DEFB129: variants seen among roughly 807,000 people sequenced by gnomAD.
DEFB129 encodes the protein beta-defensin 129.
Under a neutral mutation model 2.5 loss-of-function variants are expected in DEFB129, and 2 were observed. The observed-to-expected ratio is 0.80, with a 90% CI of 0.33 to 2.53. DEFB129 has a LOEUF of 2.53. Ranked by LOEUF, DEFB129 falls within the 30% of genes most tolerant of loss-of-function variation. The pLI, the probability that DEFB129 is intolerant of heterozygous loss-of-function variation, is 0.11. For synonymous variants in DEFB129, 76 were observed against 74.4 expected, an observed-to-expected ratio of 1.02 and a Z score of -0.11; for missense variants, 177 against 216.9, an observed-to-expected ratio of 0.82 and a Z score of 1.16.
At chr20:229,134 T>C (rs940882929) in intron 1 of DEFB129, 144 bp from the exon 2 acceptor site, 2 of 1,072,606 alleles carry the variant, frequency 1.9e-6, no homozygotes, top group African/African-American at 3.2e-5. Context: ...GCCTGCCCAT[T>C]TGCCTTCATC....
At chr20:227,551 A>G (rs916135736) in intron 1 of DEFB129, among the ~76,000 whole-genome samples, 6 of 152,222 alleles carry the variant, frequency 3.9e-5, no homozygotes, top group African/African-American at 1.4e-4. Flanking sequence ...AACACCCAGG[A>G]AGCTACAGAG....
In DEFB129 at chr20:229,277, G is replaced by A. The variant is rs753215560; in HGVS notation, c.59-1G>A. ...CAATGGCTTTCTCTTTTTTTATACAGAATTTATTGGCTTGAGACGCTGTTT... is the reference window on the plus strand; with the variant it reads ...CAATGGCTTTCTCTTTTTTTATACAAAATTTATTGGCTTGAGACGCTGTTT... On this transcript the variant is annotated splice_acceptor_variant, in intron 1 of 1. Transcript: ENST00000246105. LOFTEE classifies it high-confidence loss of function. The A allele has an allele frequency of 7.0e-5, 110 of 1,565,944 alleles. No homozygotes were observed. Among genetic ancestry groups the A allele is most frequent in the Admixed American group, 4.1e-5 (2 of 48,710 alleles).
chr20:227,377 A>G (rs1208640585), intron 1 of DEFB129, 31 bp downstream of exon 1: 1 of 1,612,328 alleles, frequency 6.2e-7, no homozygotes, highest in Middle Eastern at 1.7e-4. Context: ...TAAGATGGGT[A>G]GATGAGAGGA....
rs757115910 is a variant in DEFB129, at chr20:229,722, A to C, written c.503A>C (p.Asn168Thr). ...CCACCACCAGCACCACCTCCACCAA[A>C]CATACTGCCAACACCATCACTGGAG... ...ASPPPAPPPP[N>T]ILPTPSLELE... is the part of the protein sequence containing the mutation. Residue 168 changes from asparagine (N) to threonine (T), a missense_variant, in exon 2 of 2, where the codon AAC becomes ACC. Asn to Thr is a moderately conservative substitution (Grantham distance 65). Transcript: ENST00000246105. 9.3e-6 allele frequency: 15 copies of C among 1,613,112 alleles called. No individual in the cohort carries two copies. Among genetic ancestry groups the C allele is most frequent in the Non-Finnish European group, 1.3e-5 (15 of 1,179,998 alleles).
chr20:227,459 A>T lies in DEFB129; in HGVS notation c.58+113A>T, dbSNP rs577537747. 5.1e-4 allele frequency: 633 copies of T among 1,252,754 alleles called. 1 individual carries two copies. The highest frequency in any genetic ancestry group is 7.1e-4 in the Non-Finnish European group (611 of 855,604). The allele number at this position is 1,252,754 out of a possible 1,614,324, so 77.6% of individuals were successfully genotyped here. A position where few individuals can be genotyped will look rare whatever the true frequency, so the allele number is the denominator to read the frequency against. ...ACTGAAAGATTAGCTGTTCAAAAAG[A>T]TGGCTAAAGAGCTTACCTATTGTAT... On this transcript the variant is annotated intron_variant, in intron 1 of 1. Transcript: ENST00000246105.
At position 229,267 on chromosome 20, in the gene DEFB129, T is replaced by C. The variant is rs112278246; in HGVS notation, c.59-11T>C. Reference sequence around the variant, plus strand: ...AACCTTGGCTCAATGGCTTTCTCTTTTTTTATACAGAATTTATTGGCTTGA... The same window carrying C: ...AACCTTGGCTCAATGGCTTTCTCTTCTTTTATACAGAATTTATTGGCTTGA... On this transcript the variant is annotated splice_polypyrimidine_tract_variant and intron_variant, in intron 1 of 1. Transcript: ENST00000246105. 5 of 1,557,012 alleles carry C rather than the reference T, an allele frequency of 3.2e-6. No homozygotes were observed. The highest frequency in any genetic ancestry group is 4.3e-6 in the Non-Finnish European group (5 of 1,157,956).
In DEFB129 at chr20:229,331, T is replaced by G. The variant is rs1471978048; in HGVS notation, c.112T>G (p.Cys38Gly). ...LMGLGRCRDH[C>G]NVDEKEIQKC... ...GGGTTTGGGGAGATGCAGGGATCAC[T>G]GCAATGTGGATGAAAAAGAGATACA... Residue 38 changes from cysteine (C) to glycine (G), a missense_variant, in exon 2 of 2, where the codon TGC becomes GGC. Transcript: ENST00000246105. 3 of 1,613,722 alleles carry G rather than the reference T, an allele frequency of 1.9e-6. No homozygotes were observed. The highest frequency in any genetic ancestry group is 2.5e-6 in the Non-Finnish European group (3 of 1,179,868).
In DEFB129 at chr20:229,405, G is replaced by A; in HGVS notation, c.186G>A (p.Leu62=). Residue 62 remains leucine, a synonymous_variant, in exon 2 of 2, where the codon TTG becomes TTA. Coordinates refer to ENST00000246105, the MANE Select transcript of DEFB129 (RefSeq NM_080831.4). ...KCCVGPKVVK[L]IKNYLQYGTP... ...GTGTTGGACCAAAAGTGGTTAAATT[G>A]ATTAAAAACTACCTGCAATATGGAA... The A allele has an allele frequency of 6.2e-7, 1 of 1,614,134 alleles. No individual in the cohort carries two copies. The highest frequency in any genetic ancestry group is 8.5e-7 in the Non-Finnish European group (1 of 1,180,028).
In DEFB129 at chr20:227,327, A is replaced by G; in HGVS notation, c.39A>G (p.Leu13=). The G allele has an allele frequency of 6.2e-7, 1 of 1,614,146 alleles. No homozygotes were observed. The highest frequency in any genetic ancestry group is 2.2e-5 in the East Asian group (1 of 44,868). ...TTCCTATCTTTGCCAGCCTCATGCTACAGTACCAGGTGAACACAGGTAATG... is the reference window on the plus strand; with the variant it reads ...TTCCTATCTTTGCCAGCCTCATGCTGCAGTACCAGGTGAACACAGGTAATG... ...LLFPIFASLM[L]QYQVNTEFIG... Residue 13 remains leucine, a synonymous_variant, in exon 1 of 2, where the codon CTA becomes CTG. Coordinates refer to ENST00000246105, the MANE Select transcript of DEFB129 (RefSeq NM_080831.4).
chr20:229,752 A>T lies in DEFB129; in HGVS notation c.533A>T (p.Glu178Val). ...CTGCCAACACCATCACTGGAGCTAGAGGAAGCAGAAGAGCAGTAATGTGGA... is the reference window on the plus strand; with the variant it reads ...CTGCCAACACCATCACTGGAGCTAGTGGAAGCAGAAGAGCAGTAATGTGGA... ...NILPTPSLEL[E>V]EAEEQ Residue 178 changes from glutamate to valine, a missense_variant, in exon 2 of 2, where the codon GAG becomes GTG. Coordinates refer to ENST00000246105, the MANE Select transcript of DEFB129 (RefSeq NM_080831.4). 2 of 1,610,546 alleles carry T rather than the reference A, an allele frequency of 1.2e-6. No individual in the cohort carries two copies. Among genetic ancestry groups the T allele is most frequent in the Non-Finnish European group, 1.7e-6 (2 of 1,179,790 alleles).
In DEFB129 at chr20:227,314, C is replaced by T. The variant is rs771103028; in HGVS notation, c.26C>T (p.Ala9Val). Residue 9 changes from alanine to valine, a missense_variant, in exon 1 of 2, where the codon GCC (alanine) becomes GTC (valine). By Grantham distance (64) the Ala-to-Val change is moderately conservative. Transcript: ENST00000246105. ...ATGAAGCTCCTTTTTCCTATCTTTG[C>T]CAGCCTCATGCTACAGTACCAGGTG... MKLLFPIF[A>V]SLMLQYQVNT... The T allele has an allele frequency of 1.9e-5, 30 of 1,614,108 alleles. No individual in the cohort carries two copies. Among genetic ancestry groups the T allele is most frequent in the Non-Finnish European group, 2.4e-5 (28 of 1,179,980 alleles).
rs540275613 is a variant in DEFB129 at position 229,737 on chromosome 20, C to T, written c.518C>T (p.Pro173Leu). ...CCTCCACCAAACATACTGCCAACAC[C>T]ATCACTGGAGCTAGAGGAAGCAGAA... Reference protein sequence around the residue: ...APPPPNILPTPSLELEEAEEQ With the variant: ...APPPPNILPTLSLELEEAEEQ Residue 173 changes from proline (P) to leucine (L), a missense_variant, in exon 2 of 2, where the codon CCA becomes CTA. Pro to Leu is a moderately conservative substitution (Grantham distance 98). Transcript: ENST00000246105. 6.2e-7 allele frequency: 1 copy of T among 1,612,590 alleles called. No individual in the cohort carries two copies. Among genetic ancestry groups the T allele is most frequent in the Non-Finnish European group, 8.5e-7 (1 of 1,179,988 alleles).
At position 229,847 on chromosome 20, in the gene DEFB129, TG is replaced by T. The variant is rs1428824151; in HGVS notation, c.*77del. Reference sequence around the variant, plus strand: ...TAAAATGACATAGAACTGTTTCCTCTGTCATCAGTCATTCAATAAACACTGT... The same window carrying T: ...TAAAATGACATAGAACTGTTTCCTCTTCATCAGTCATTCAATAAACACTGT... On this transcript the variant is annotated 3_prime_UTR_variant, in exon 2 of 2. Transcript: ENST00000246105. The T allele has an allele frequency of 6.6e-7, 1 of 1,506,534 alleles. No individual in the cohort carries two copies. Among genetic ancestry groups the T allele is most frequent in the Non-Finnish European group, 8.8e-7 (1 of 1,134,666 alleles). The allele number at this position is 1,506,534 out of a possible 1,614,324, so 93.3% of individuals were successfully genotyped here. A position where few individuals can be genotyped will look rare whatever the true frequency, so the allele number is the denominator to read the frequency against.
chr20:228,061 T>C (rs1451350796), intron 1 of DEFB129, among the ~76,000 whole-genome samples: 2 of 152,212 alleles, frequency 1.3e-5, no homozygotes, highest in Non-Finnish European at 2.9e-5. Flanking sequence ...TCAGACTTTG[T>C]CTTCCTGAAA....
At chr20:227,391 A>G (rs772459699) in intron 1 of DEFB129, 45 bp downstream of exon 1, 1 of 1,607,788 alleles carries the variant, frequency 6.2e-7, no homozygotes, top group Admixed American at 1.7e-5. Flanking sequence ...GAGAGGAACC[A>G]AGGATTTGGC....
At chr20:227,449 G>A in intron 1 of DEFB129, 103 bp downstream of exon 1, 1 of 1,369,510 alleles carries the variant, frequency 7.3e-7, no homozygotes, top group East Asian at 2.3e-5. Flanking sequence ...AAGATTAGCT[G>A]TTCAAAAAGA....
At chr20:227,468 G>A in intron 1 of DEFB129, 122 bp downstream of exon 1, 1 of 1,161,300 alleles carries the variant, frequency 8.6e-7, no homozygotes, top group Non-Finnish European at 1.3e-6. Flanking sequence ...GATGGCTAAA[G>A]AGCTTACCTA....
Position 227,285 on chromosome 20 carries a change from A to T in DEFB129, c.-4A>T. 6.2e-7 allele frequency: 1 copy of T among 1,614,122 alleles called. No homozygotes were observed. Among genetic ancestry groups the T allele is most frequent in the Non-Finnish European group, 8.5e-7 (1 of 1,179,972 alleles). Reference sequence around the variant, plus strand: ...ATTCAAGGCTTCCTCTCTGGCACCCAACCATGAAGCTCCTTTTTCCTATCT... The same window carrying T: ...ATTCAAGGCTTCCTCTCTGGCACCCTACCATGAAGCTCCTTTTTCCTATCT... On this transcript the variant is annotated 5_prime_UTR_variant, in exon 1 of 2. Coordinates refer to ENST00000246105, the MANE Select transcript of DEFB129 (RefSeq NM_080831.4).
chr20:229,397 G>T lies in DEFB129; in HGVS notation c.178G>T (p.Val60Phe). Residue 60 changes from valine (V) to phenylalanine (F), a missense_variant, in exon 2 of 2, where the codon GTT becomes TTT. Transcript: ENST00000246105. Reference sequence around the variant, plus strand: ...AAAATGTTGTGTTGGACCAAAAGTGGTTAAATTGATTAAAAACTACCTGCA... The same window carrying T: ...AAAATGTTGTGTTGGACCAAAAGTGTTTAAATTGATTAAAAACTACCTGCA... ...MKKCCVGPKV[V>F]KLIKNYLQYG... 1 of 1,614,180 alleles carries T rather than the reference G, an allele frequency of 6.2e-7. No individual in the cohort carries two copies. The highest frequency in any genetic ancestry group is 1.6e-4 in the Middle Eastern group (1 of 6,062).
Sources: gnomAD v4.1 joint callset for allele counts (sites outside exome capture counted in the v4.1 genomes callset) on GRCh38, gnomAD v4.1.1 for gene constraint, MANE v1.5 for transcripts, NCBI Gene and HGNC (gene_info 2026-07-23, HGNC 2026-07-21) for gene names.